Variants in MCF2L2 observed in about 807,000 individuals in gnomAD.
MCF2L2 encodes MCF.2 cell line derived transforming sequence-like 2.
In MCF2L2, 102 loss-of-function variants were observed where a neutral mutation model predicts 150.2. The observed-to-expected ratio is 0.68, with a 90% CI of 0.58 to 0.80. MCF2L2 has a LOEUF of 0.80. MCF2L2 is among the 30% of genes least tolerant of loss of function. MCF2L2 has a pLI of 0.00. For synonymous variants in MCF2L2, 465 were observed against 491.3 expected (o/e 0.95, Z 0.71); for missense variants, 1,256 against 1,372.8 (o/e 0.91, Z 1.34).
intron 22 of MCF2L2, among the ~76,000 whole-genome samples, chr3:183,213,287 T>A (rs1219353676): frequency 6.6e-6 from 1 of 150,674 alleles, no homozygotes; most frequent in Non-Finnish European, 1.5e-5. Flanking sequence ...TGCAAATAGA[T>A]AGAAGTAAAT....
chr3:183,372,814 G>A (rs1200514428), intron 3 of MCF2L2: 1 of 152,198 alleles, frequency 6.6e-6, no homozygotes, highest in Non-Finnish European at 1.5e-5. Context: ...AATGAACCCA[G>A]AACTGGAAGT....
In MCF2L2 at chr3:183,228,367, C is replaced by T. The variant is rs777460357; in HGVS notation, c.2046-1G>A. The T allele has an allele frequency of 6.2e-7, 1 of 1,604,610 alleles. No individual in the cohort carries two copies. Among genetic ancestry groups the T allele is most frequent in the Non-Finnish European group, 8.5e-7 (1 of 1,172,612 alleles). Reference sequence around the variant, plus strand: ...CTTTTCCAACTCTTTTAGAAAAGTCCTAGAAAAATAAAAGTATACAAGTAA... The same window carrying T: ...CTTTTCCAACTCTTTTAGAAAAGTCTTAGAAAAATAAAAGTATACAAGTAA... On this transcript the variant is annotated splice_acceptor_variant, in intron 17 of 29. Coordinates refer to ENST00000328913, the MANE Select transcript of MCF2L2 (RefSeq NM_015078.4). LOFTEE classifies it high-confidence loss of function.
chr3:183,313,398 AAG>A, intron 7 of MCF2L2, among the ~76,000 whole-genome samples: 1 of 152,326 alleles, frequency 6.6e-6, no homozygotes, highest in Admixed American at 6.5e-5. Context: ...TGAATGAGGA[AAG>A]TGTGTGAGAC....
chr3:183,201,988 A>T (rs776439008), intron 25 of MCF2L2, among the ~76,000 whole-genome samples: 1 of 152,122 alleles, frequency 6.6e-6, no homozygotes, highest in East Asian at 1.9e-4. Context: ...ATGACTAATG[A>T]GCTTTTTAAC....
At chr3:183,350,262 G>C (rs981149109) in intron 3 of MCF2L2, among the ~76,000 whole-genome samples, 5 of 151,922 alleles carry the variant, frequency 3.3e-5, no homozygotes, top group Non-Finnish European at 5.9e-5. Context: ...CCTCCCATAA[G>C]GTATACATGC....
At chr3:183,284,831 G>A (rs1415534541) in intron 14 of MCF2L2, among the ~76,000 whole-genome samples, 2 of 152,144 alleles carry the variant, frequency 1.3e-5, no homozygotes, top group Non-Finnish European at 2.9e-5. Flanking sequence ...AAGAAACCAT[G>A]AGAATCTTTG....
chr3:183,312,453 A>C (rs1035381229), intron 7 of MCF2L2, among the ~76,000 whole-genome samples: 1 of 152,212 alleles, frequency 6.6e-6, no homozygotes, highest in African/African-American at 2.4e-5. Context: ...CGTTGCCCTG[A>C]GCCTTACCCA....
In MCF2L2 at chr3:183,379,308, A is replaced by G; in HGVS notation, c.264T>C (p.Thr88=). Residue 88 remains threonine (T), a synonymous_variant, in exon 3 of 30, where the codon ACT becomes ACC. Transcript: ENST00000328913. ...EDFLNVMTYL[T]SIPSVEAASI... ...TGTGCTCAGCTCACCTGGGGATGCT[A>G]GTCAGGTAGGTCATGACATTCAGGA... is the stretch of plus-strand genomic sequence containing the variant. 6.2e-7 allele frequency: 1 copy of G among 1,607,658 alleles called. No individual in the cohort carries two copies. Among genetic ancestry groups the G allele is most frequent in the Non-Finnish European group, 8.5e-7 (1 of 1,177,102 alleles).
intron 1 of MCF2L2, among the ~76,000 whole-genome samples, chr3:183,402,358 G>A (rs1383315997): frequency 6.7e-6 from 1 of 150,304 alleles, no homozygotes; most frequent in Admixed American, 6.7e-5. Context: ...GGAGGTTGAG[G>A]CAGGAGAATG....
intron 16 of MCF2L2, among the ~76,000 whole-genome samples, chr3:183,230,304 G>C (rs1211138625): frequency 6.6e-6 from 1 of 152,142 alleles, no homozygotes; most frequent in South Asian, 2.1e-4. Context: ...AGTAGAGACA[G>C]GGTTTCACCA....
chr3:183,305,322 A>C lies in MCF2L2; in HGVS notation c.1113+4394T>G, dbSNP rs1211778929. The stretch of plus-strand genomic sequence containing the variant: ...AGACTTGGCATGAAAGTCTCTGTTG[A>C]CACTTTTTTTTTTTTTAAGTCCAGC... On this transcript the variant is annotated intron_variant, in intron 10 of 29. Coordinates refer to ENST00000328913, the MANE Select transcript of MCF2L2 (RefSeq NM_015078.4). The surrounding 1 kb of genome is among the most constrained non-coding windows in gnomAD (Gnocchi z 4.1). Among the ~76,000 whole-genome samples, 2 of 150,906 alleles carry C rather than the reference A, an allele frequency of 1.3e-5. No homozygotes were observed. Among genetic ancestry groups the C allele is most frequent in the Non-Finnish European group, 2.9e-5 (2 of 67,854 alleles).
intron 3 of MCF2L2, among the ~76,000 whole-genome samples, chr3:183,351,190 GTATATATATATATATA>G (rs60311053): frequency 1.4e-3 from 53 of 38,846 alleles, no homozygotes; most frequent in Middle Eastern, 0.017. Context: ...ATTTTCTTAA[GTATATATATATATATA>G]TATATATATA....
intron 10 of MCF2L2, among the ~76,000 whole-genome samples, chr3:183,301,434 T>A (rs1490008490): frequency 4.6e-5 from 7 of 152,130 alleles, no homozygotes; most frequent in African/African-American, 1.7e-4. Context: ...GTATTTTAAA[T>A]CGGATGGTGA....
At chr3:183,394,475 A>T (rs1714333034) in intron 1 of MCF2L2, among the ~76,000 whole-genome samples, 1 of 152,224 alleles carries the variant, frequency 6.6e-6, no homozygotes, top group African/African-American at 2.4e-5. Flanking sequence ...GCTCAGAGAC[A>T]CCAGTTGCCG....
intron 10 of MCF2L2, among the ~76,000 whole-genome samples, chr3:183,307,714 G>A (rs940198299): frequency 1.3e-5 from 2 of 152,216 alleles, no homozygotes; most frequent in Non-Finnish European, 2.9e-5. Flanking sequence ...CAGATCCATC[G>A]CCACTATTCA....
chr3:183,219,071 C>G (rs140945864), intron 21 of MCF2L2, among the ~76,000 whole-genome samples: 230 of 152,198 alleles, frequency 1.5e-3, no homozygotes, highest in African/African-American at 5.3e-3. Context: ...TTCTTCCTAA[C>G]CTGGTGTGGT....
At chr3:183,316,122 A>G (rs1023782814) in intron 7 of MCF2L2, among the ~76,000 whole-genome samples, 4 of 152,156 alleles carry the variant, frequency 2.6e-5, no homozygotes, top group African/African-American at 9.7e-5. Context: ...GTGCAACTGC[A>G]AACTCCTTCC....
In MCF2L2 at chr3:183,227,238, T is replaced by C. The variant is rs576774496; in HGVS notation, c.2115+1059A>G. ...ATCTCCATGGTCGTGTCCTAGAAAG[T>C]ACCTGGTGGGGATTGATGTTGGGTG... On this transcript the variant is annotated intron_variant, in intron 18 of 29. Coordinates refer to ENST00000328913, the MANE Select transcript of MCF2L2 (RefSeq NM_015078.4). This position sits in a 1 kb window ranked among gnomAD's most constrained non-coding sequence, Gnocchi z 4.0. 2 of 152,272 alleles carry C rather than the reference T, an allele frequency of 1.3e-5. No individual in the cohort carries two copies. Among genetic ancestry groups the C allele is most frequent in the Non-Finnish European group, 2.9e-5 (2 of 68,044 alleles). 9.4% of individuals were successfully genotyped at this position (152,272 alleles called of 1,614,324 possible). A position where few individuals can be genotyped will look rare whatever the true frequency, so the allele number is the denominator to read the frequency against.
chr3:183,376,677 A>T (rs1453857535), intron 3 of MCF2L2: 1 of 152,262 alleles, frequency 6.6e-6, no homozygotes, highest in East Asian at 1.9e-4. Flanking sequence ...GATTAACATG[A>T]GAAAAGCATA....
Sources: allele counts gnomAD v4.1 joint callset (sites outside exome capture counted in the v4.1 genomes callset), GRCh38; gene constraint gnomAD v4.1.1; non-coding constraint Gnocchi (gnomAD v3.1); transcripts MANE v1.5; gene names NCBI Gene and HGNC (gene_info 2026-07-23, HGNC 2026-07-21).